The following FNDC3B variants were observed in gnomAD, a reference collection of about 807,000 sequenced individuals.
FNDC3B encodes fibronectin type III domain containing 3B, also known as fibronectin type III domain-containing protein 3B.
FNDC3B carries 12 observed loss-of-function variants against 151.5 expected under a neutral mutation model. That is an observed-to-expected ratio of 0.08 (90% CI 0.05 to 0.13). The LOEUF (loss-of-function observed/expected upper bound fraction) is 0.13, where lower values mean the gene tolerates loss of function less well. Ranked by LOEUF, FNDC3B falls within the 10% of genes least tolerant of loss-of-function variation. The pLI is 1.00. For synonymous variants in FNDC3B, 528 were observed against 549.0 expected (o/e 0.96, Z 0.54); for missense variants, 1,214 against 1,505.3 (o/e 0.81, Z 3.20).
At chr3:172,285,584 A>G (rs1412576337) in intron 6 of FNDC3B, among the ~76,000 whole-genome samples, 1 of 152,214 alleles carries the variant, frequency 6.6e-6, no homozygotes, top group African/African-American at 2.4e-5. Context: ...TATTACTCTC[A>G]GTTTCCAGGT....
intron 1 of FNDC3B, among the ~76,000 whole-genome samples, chr3:172,100,414 C>T (rs1421835180): frequency 3.3e-5 from 5 of 152,170 alleles, no homozygotes; most frequent in African/African-American, 1.2e-4. Flanking sequence ...AATTATCATT[C>T]TTATCTATTA....
At chr3:172,250,330 G>A (rs986788608) in intron 5 of FNDC3B, among the ~76,000 whole-genome samples, 1 of 152,076 alleles carries the variant, frequency 6.6e-6, no homozygotes, top group Non-Finnish European at 1.5e-5. Flanking sequence ...TTTCAGAGAT[G>A]GCTTTTCTTT....
At chr3:172,171,981 A>G (rs1304047105) in intron 3 of FNDC3B, among the ~76,000 whole-genome samples, 1 of 152,110 alleles carries the variant, frequency 6.6e-6, no homozygotes, top group African/African-American at 2.4e-5. Context: ...TTGACTAGAG[A>G]CATTTTAAGG....
chr3:172,147,026 G>A (rs781663865), intron 3 of FNDC3B, among the ~76,000 whole-genome samples: 2 of 151,980 alleles, frequency 1.3e-5, no homozygotes, highest in Non-Finnish European at 2.9e-5. Context: ...GAGATGAGAA[G>A]GCCAGGCGTG....
chr3:172,060,177 T>C (rs1407168741), intron 1 of FNDC3B, among the ~76,000 whole-genome samples: 1 of 152,222 alleles, frequency 6.6e-6, no homozygotes, highest in East Asian at 1.9e-4. Context: ...TCAAATACTA[T>C]CTTTTAGGAT....
intron 21 of FNDC3B, among the ~76,000 whole-genome samples, chr3:172,350,956 G>C (rs907671712): frequency 6.6e-6 from 1 of 152,196 alleles, no homozygotes; most frequent in African/African-American, 2.4e-5. Flanking sequence ...ATTCACTTTT[G>C]TAAGAAAGCT....
At chr3:172,149,382 C>A (rs572451426) in intron 3 of FNDC3B, among the ~76,000 whole-genome samples, 18 of 152,128 alleles carry the variant, frequency 1.2e-4, no homozygotes, top group Admixed American at 2.0e-4. Flanking sequence ...AATTCCTTAC[C>A]ATTTAGTCTG....
At chr3:172,328,869 T>G in intron 11 of FNDC3B, 83 bp from the exon 12 acceptor site, 1 of 1,117,900 alleles carries the variant, frequency 8.9e-7, no homozygotes, top group Non-Finnish European at 1.2e-6. Flanking sequence ...TTCAAGATGT[T>G]CAAGATGCTC....
At chr3:172,117,659 A>G (rs1384503529) in intron 2 of FNDC3B, among the ~76,000 whole-genome samples, 2 of 152,164 alleles carry the variant, frequency 1.3e-5, no homozygotes, top group Admixed American at 6.5e-5. Context: ...GTGCCACTTT[A>G]TATTATATTC....
At chr3:172,365,182 A>G (rs1014238917) in intron 23 of FNDC3B, among the ~76,000 whole-genome samples, 3 of 152,184 alleles carry the variant, frequency 2.0e-5, no homozygotes, top group Non-Finnish European at 2.9e-5. Context: ...GCCTTTGTCA[A>G]TCTAGCCTCC....
intron 3 of FNDC3B, among the ~76,000 whole-genome samples, chr3:172,181,424 A>AC (rs1340690707): frequency 2.7e-5 from 4 of 150,934 alleles, no homozygotes; most frequent in African/African-American, 7.3e-5. Flanking sequence ...ACAAAAAAAA[A>AC]CACCTTTAGA....
Position 172,056,038 on chromosome 3 carries a change from C to T in FNDC3B, c.-29+16267C>T, listed in dbSNP as rs963853940. 2.0e-5 allele frequency among the ~76,000 whole-genome samples: 3 copies of T among 152,136 alleles called. No homozygotes were observed. In the East Asian group the frequency reaches 5.8e-4, roughly 29 times the overall value. On this transcript the variant is annotated intron_variant, in intron 1 of 25. Coordinates refer to ENST00000415807, the MANE Select transcript of FNDC3B (RefSeq NM_022763.4). Reference sequence around the variant, plus strand: ...CCTCGTGATCCGCCCGCCTCGGCCTCCCAAAGTGCTGGGATTACAGGCGTG... The same window carrying T: ...CCTCGTGATCCGCCCGCCTCGGCCTTCCAAAGTGCTGGGATTACAGGCGTG...
intron 7 of FNDC3B, among the ~76,000 whole-genome samples, chr3:172,287,009 C>T (rs1013488247): frequency 2.6e-5 from 4 of 152,110 alleles, no homozygotes; most frequent in African/African-American, 9.7e-5. Flanking sequence ...AGATAGAATA[C>T]GGCACTATAA....
At chr3:172,358,784 G>A (rs1473516873) in intron 22 of FNDC3B, among the ~76,000 whole-genome samples, 1 of 151,754 alleles carries the variant, frequency 6.6e-6, no homozygotes, top group African/African-American at 2.4e-5. Context: ...CCTTATCTTA[G>A]TTAGGTAATC....
chr3:172,345,017 C>T (rs1275057851), intron 19 of FNDC3B, among the ~76,000 whole-genome samples: 5 of 151,780 alleles, frequency 3.3e-5, no homozygotes, highest in Admixed American at 3.3e-4. Context: ...AGATGGGCTC[C>T]ATGCAAATAA....
intron 6 of FNDC3B, among the ~76,000 whole-genome samples, chr3:172,282,498 A>G (rs1178700276): frequency 6.6e-6 from 1 of 152,170 alleles, no homozygotes; most frequent in East Asian, 1.9e-4. Flanking sequence ...TGATCTTCTC[A>G]GAATCCTTTG....
chr3:172,306,081 A>ATAAT (rs768025019), intron 9 of FNDC3B, among the ~76,000 whole-genome samples: 19 of 152,234 alleles, frequency 1.2e-4, no homozygotes, highest in Non-Finnish European at 2.4e-4. Flanking sequence ...CATATCTATT[A>ATAAT]GTGCCTTTGA....
rs1383786098 is a variant in FNDC3B at position 172,071,212 on chromosome 3, A to G, written c.-29+31441A>G. 2.6e-5 allele frequency among the ~76,000 whole-genome samples: 4 copies of G among 152,202 alleles called. No homozygotes were observed. The East Asian group carries it at 7.7e-4, about 29-fold the overall frequency. On this transcript the variant is annotated intron_variant, in intron 1 of 25. Coordinates refer to ENST00000415807, the MANE Select transcript of FNDC3B (RefSeq NM_022763.4). ...TCTTCAGTTTTATGTGTTTTCAGTC[A>G]TTATATTTCCCAGCTATTTCAAATA...
intron 1 of FNDC3B, among the ~76,000 whole-genome samples, chr3:172,051,887 A>G (rs1045865983): frequency 2.8e-4 from 42 of 152,284 alleles, no homozygotes; most frequent in African/African-American, 1.0e-3. Context: ...TAGATTGTGA[A>G]TTGATTTGGA....
Sources: gnomAD v4.1 joint callset for allele counts (sites outside exome capture counted in the v4.1 genomes callset) on GRCh38, gnomAD v4.1.1 for gene constraint, MANE v1.5 for transcripts, NCBI Gene and HGNC (gene_info 2026-07-23, HGNC 2026-07-21) for gene names.